DISC1: variants seen among roughly 807,000 people sequenced by gnomAD.
DISC1 encodes the protein disrupted in schizophrenia 1 protein.
DISC1 carries 57 observed loss-of-function variants against 84.5 expected under a neutral mutation model. That is an observed-to-expected ratio of 0.67 (90% CI 0.55 to 0.84). DISC1 has a LOEUF of 0.84. Ranked by LOEUF, DISC1 falls within the 40% of genes least tolerant of loss-of-function variation. DISC1 has a pLI of 0.00. For missense variants in DISC1, 1,000 were observed against 1,057.8 expected (o/e 0.95, Z 0.76); for synonymous variants, 411 against 415.2 (o/e 0.99, Z 0.12).
At chr1:231,730,223 T>C (rs2071338317) in intron 3 of DISC1, among the ~76,000 whole-genome samples, 1 of 152,192 alleles carries the variant, frequency 6.6e-6, no homozygotes, top group African/African-American at 2.4e-5. Flanking sequence ...TAGAGATAAA[T>C]AATGAATGGC....
chr1:231,881,048 C>G (rs1197886927), intron 9 of DISC1, among the ~76,000 whole-genome samples: 1 of 152,096 alleles, frequency 6.6e-6, no homozygotes, highest in Non-Finnish European at 1.5e-5. Context: ...GTGCTGCAAG[C>G]TGGGTTTATT....
rs530723579 is a variant in DISC1, at chr1:232,009,496, T to C, written c.2307+447T>C. The C allele has an allele frequency of 1.9e-5, 13 of 692,910 alleles. No individual in the cohort carries two copies. The Admixed American group carries it at 3.8e-4, about 20-fold the overall frequency. The allele number at this position is 692,910 out of a possible 1,614,324, so 42.9% of individuals were successfully genotyped here. A position where few individuals can be genotyped will look rare whatever the true frequency, so the allele number is the denominator to read the frequency against. On this transcript the variant is annotated intron_variant, in intron 11 of 12. Transcript: ENST00000439617. This position sits in a 1 kb window ranked among gnomAD's most constrained non-coding sequence, Gnocchi z 4.6. ...ATCTATATATTACAATATATTATTA[T>C]TTATTTGAATGAAACATTCAAATAT...
chr1:231,978,104 G>A (rs1355333744), intron 10 of DISC1, among the ~76,000 whole-genome samples: 1 of 151,940 alleles, frequency 6.6e-6, no homozygotes, highest in East Asian at 1.9e-4. Context: ...CCATAAACTG[G>A]TAGTTAGGTC....
intron 9 of DISC1, among the ~76,000 whole-genome samples, chr1:231,902,847 G>A (rs1403967304): frequency 1.3e-5 from 2 of 152,124 alleles, no homozygotes; most frequent in Non-Finnish European, 1.5e-5. Context: ...ACACCAACAT[G>A]ATGCTCAAAT....
chr1:231,876,492 C>A (rs896357216), intron 9 of DISC1, among the ~76,000 whole-genome samples: 1 of 152,152 alleles, frequency 6.6e-6, no homozygotes, highest in Non-Finnish European at 1.5e-5. Flanking sequence ...TGGCTTAATA[C>A]ACCTTCCCAT....
chr1:231,660,461 CAA>C, intron 1 of DISC1, among the ~76,000 whole-genome samples: 1 of 150,374 alleles, frequency 6.7e-6, no homozygotes, highest in East Asian at 1.9e-4. Flanking sequence ...GCATTTAGCC[CAA>C]AAAAAAAATA....
intron 3 of DISC1, among the ~76,000 whole-genome samples, chr1:231,714,048 A>C (rs2068326074): frequency 1.3e-5 from 2 of 151,910 alleles, no homozygotes; most frequent in Non-Finnish European, 2.9e-5. Context: ...TAATGAACAA[A>C]TTCTATAAAG....
intron 8 of DISC1, chr1:231,813,342 T>G (rs2080520472): frequency 6.6e-6 from 1 of 152,226 alleles, no homozygotes; most frequent in Admixed American, 6.5e-5. Context: ...GAAGACATGT[T>G]GGGACTTCAT....
At chr1:231,760,937 C>T (rs1349807785) in intron 4 of DISC1, among the ~76,000 whole-genome samples, 1 of 152,186 alleles carries the variant, frequency 6.6e-6, no homozygotes, top group Non-Finnish European at 1.5e-5. Context: ...TAGACGATTT[C>T]TTCATTCTTT....
chr1:231,830,625 A>G (rs6541286), intron 9 of DISC1, among the ~76,000 whole-genome samples: 35,808 of 151,986 alleles, frequency 0.24, 4,478 homozygotes, highest in East Asian at 0.41. Flanking sequence ...ATAGGAGTAT[A>G]ACTAGACAGA....
intron 1 of DISC1, among the ~76,000 whole-genome samples, chr1:231,632,446 GTT>G: frequency 6.6e-6 from 1 of 152,132 alleles, no homozygotes; most frequent in Non-Finnish European, 1.5e-5. Flanking sequence ...AGAGTTCAAA[GTT>G]TGAACTCTCA....
intron 9 of DISC1, among the ~76,000 whole-genome samples, chr1:231,861,452 GTTTTTTTTT>G (rs59522401): frequency 1.8e-3 from 160 of 88,986 alleles, no homozygotes; most frequent in Admixed American, 7.4e-3. Flanking sequence ...ATTTTGACAA[GTTTTTTTTT>G]TTTTTTTTTT....
At chr1:231,806,645 G>A (rs2079738446) in intron 8 of DISC1, among the ~76,000 whole-genome samples, 1 of 151,196 alleles carries the variant, frequency 6.6e-6, no homozygotes, top group South Asian at 2.1e-4. Context: ...GGTCCTGCAG[G>A]GTTCGAGGGT....
At chr1:231,733,636 G>A (rs1057149359) in intron 3 of DISC1, among the ~76,000 whole-genome samples, 1 of 151,626 alleles carries the variant, frequency 6.6e-6, no homozygotes, top group Non-Finnish European at 1.5e-5. Context: ...GGTTGTGGCA[G>A]TGCTGGTGAT....
At position 231,980,332 on chromosome 1, in the gene DISC1, G is replaced by A. The variant is rs114739157; in HGVS notation, c.2042+21444G>A. Among the ~76,000 whole-genome samples, 546 of 152,280 alleles carry A rather than the reference G, an allele frequency of 3.6e-3. 4 individuals carry two copies. The highest frequency in any genetic ancestry group is 0.012 in the African/African-American group (517 of 41,558). ...CTTTCTTACTGTAGACCTATCAGTCGTTCTATCAGAAAAGGGTCAGTCCTG... is the reference window on the plus strand; with the variant it reads ...CTTTCTTACTGTAGACCTATCAGTCATTCTATCAGAAAAGGGTCAGTCCTG... On this transcript the variant is annotated intron_variant, in intron 10 of 12. Transcript: ENST00000439617.
chr1:231,642,013 G>A (rs539970849), intron 1 of DISC1, among the ~76,000 whole-genome samples: 146 of 152,294 alleles, frequency 9.6e-4, no homozygotes, highest in African/African-American at 3.2e-3. Context: ...GGCGCTTGTC[G>A]GGGAGGCTCG....
At chr1:231,804,069 C>T (rs545053844) in intron 8 of DISC1, among the ~76,000 whole-genome samples, 1 of 151,504 alleles carries the variant, frequency 6.6e-6, no homozygotes, top group South Asian at 2.1e-4. Flanking sequence ...GTTCAGCCCA[C>T]AGGCAAGGGG....
rs528775811 is a variant in DISC1 at position 231,989,373 on chromosome 1, A to G, written c.2043-19412A>G. On this transcript the variant is annotated intron_variant, in intron 10 of 12. Transcript: ENST00000439617. ...TTGGTGATGGCATAAAGATAACGCA[A>G]TGCAGGCTAAAGAAAACCCTTTAAG... 2.0e-5 allele frequency among the ~76,000 whole-genome samples: 3 copies of G among 152,316 alleles called. No homozygotes were observed. The East Asian group carries it at 5.8e-4, about 29-fold the overall frequency.
chr1:231,882,492 C>T (rs544907943), intron 9 of DISC1, among the ~76,000 whole-genome samples: 40 of 152,280 alleles, frequency 2.6e-4, no homozygotes, highest in African/African-American at 7.9e-4. Flanking sequence ...TTTCACACTG[C>T]GCTTATTGGT....
Sources: allele counts gnomAD v4.1 joint callset (sites outside exome capture counted in the v4.1 genomes callset), GRCh38; gene constraint gnomAD v4.1.1; non-coding constraint Gnocchi (gnomAD v3.1); transcripts MANE v1.5; gene names NCBI Gene and HGNC (gene_info 2026-07-23, HGNC 2026-07-21).